Variants in PHKA1 observed in about 807,000 individuals in gnomAD.
PHKA1 encodes the protein phosphorylase kinase regulatory subunit alpha 1, also known as phosphorylase b kinase regulatory subunit alpha, skeletal muscle isoform.
A neutral mutation model predicts 110.2 loss-of-function variants in PHKA1; 60 were observed. The ratio of observed to expected loss-of-function variants is 0.54; its 90% CI spans 0.44 to 0.68. The LOEUF is 0.68. PHKA1 is among the 30% of genes least tolerant of loss of function. The probability of loss-of-function intolerance (pLI) is 0.00; values close to 1 mark genes in which losing one functional copy is unlikely to be tolerated. For synonymous variants in PHKA1, 316 were observed against 333.6 expected (o/e 0.95, Z 0.58); for missense variants, 801 against 942.5 (o/e 0.85, Z 1.97).
chrX:72,704,911 T>A (rs1203468364), intron 3 of PHKA1, among the ~76,000 whole-genome samples: 1 of 111,941 alleles, frequency 8.9e-6, no homozygotes, highest in African/African-American at 3.3e-5. Context: ...TTTTTAAACC[T>A]GTATCATCTT....
At chrX:72,612,221 A>T (rs1556261965) in intron 21 of PHKA1, among the ~76,000 whole-genome samples, 1 of 112,050 alleles carries the variant, frequency 8.9e-6, no homozygotes, top group East Asian at 2.8e-4. Context: ...GAAGCCTGTC[A>T]TAAAGGACCA....
chrX:72,619,065 G>C (rs2052938510), intron 20 of PHKA1, 149 bp downstream of exon 20: 2 of 542,451 alleles, frequency 3.7e-6, no homozygotes, highest in Non-Finnish European at 6.4e-6. Flanking sequence ...CAATGTAAAA[G>C]TGAACTGAAA....
In PHKA1 at chrX:72,633,017, C is replaced by T. The variant is rs149234235; in HGVS notation, c.1714+2138G>A. 3.9e-3 allele frequency among the ~76,000 whole-genome samples: 431 copies of T among 111,668 alleles called. 1 individual carries two copies. The highest frequency in any genetic ancestry group is 0.014 in the African/African-American group (418 of 30,744). ...TAGATCTTTAGTTTTATTCTGCTTC[C>T]CAAGCTGTGGCTATGTATCTCATCC... On this transcript the variant is annotated intron_variant, in intron 16 of 31. Transcript: ENST00000373542.
At chrX:72,680,727 C>T (rs1191833427) in intron 5 of PHKA1, among the ~76,000 whole-genome samples, 196 of 99,480 alleles carry the variant, frequency 2.0e-3, no homozygotes, top group African/African-American at 7.0e-3. Flanking sequence ...GAAGCGGAGC[C>T]GCTGCCGCGA....
intron 9 of PHKA1, among the ~76,000 whole-genome samples, chrX:72,656,524 T>C (rs1425028670): frequency 1.1e-4 from 12 of 112,438 alleles, no homozygotes; most frequent in African/African-American, 2.9e-4. Context: ...TTTGTAATAA[T>C]AGGACATACA....
chrX:72,623,421 T>C (rs2053008409), intron 17 of PHKA1, 146 bp from the exon 18 acceptor site: 1 of 455,391 alleles, frequency 2.2e-6, no homozygotes, highest in African/African-American at 2.4e-5. Flanking sequence ...AAAAATAAAA[T>C]TTTACAGCAC....
At position 72,656,225 on chromosome X, in the gene PHKA1, G is replaced by A. The variant is rs781811348; in HGVS notation, c.936C>T (p.Tyr312=). The change falls in exon 10 of 32, where the codon TAC becomes TAT. Residue 312 remains tyrosine (Y), a synonymous_variant. Coordinates refer to ENST00000373542, the MANE Select transcript of PHKA1 (RefSeq NM_002637.4). ...ATAGCTTCAGCTCAGCTGGTTCATA[G>A]TACAGACGATTGGGATCCTAGTAAA... ...KTPKEDPNRL[Y]YEPAELKLFE... 3 of 1,210,286 alleles carry A rather than the reference G, an allele frequency of 2.5e-6. No individual in the cohort carries two copies. The highest frequency in any genetic ancestry group is 3.4e-6 in the Non-Finnish European group (3 of 894,069).
intron 2 of PHKA1, among the ~76,000 whole-genome samples, chrX:72,710,407 A>G (rs917115906): frequency 1.1e-4 from 12 of 112,140 alleles, no homozygotes; most frequent in Admixed American, 5.7e-4. Flanking sequence ...TCCTGCACAT[A>G]TACTGAGGGA....
Position 72,675,081 on chromosome X carries a change from G to A in PHKA1, c.618+989C>T, listed in dbSNP as rs191113665. ...CAGATGCCTGTAGTCCCAGCTACTC[G>A]GGAGGCTGAAGCAGGAGAATCTCTT... is the stretch of plus-strand genomic sequence containing the variant. On this transcript the variant is annotated intron_variant, in intron 6 of 31. Coordinates refer to ENST00000373542, the MANE Select transcript of PHKA1 (RefSeq NM_002637.4). Among the ~76,000 whole-genome samples, 386 of 108,881 alleles carry A rather than the reference G, an allele frequency of 3.5e-3. 3 individuals are homozygous for A. Among genetic ancestry groups the A allele is most frequent in the African/African-American group, 0.012 (358 of 29,956 alleles). The allele number at this position is 108,881 out of a possible 115,157, so 94.6% of individuals were successfully genotyped here. A position where few individuals can be genotyped will look rare whatever the true frequency, so the allele number is the denominator to read the frequency against.
At chrX:72,622,556 A>G in intron 18 of PHKA1, 1 of 753,116 alleles carries the variant, frequency 1.3e-6, no homozygotes, top group African/African-American at 2.3e-5. Flanking sequence ...CTTTCTCACT[A>G]TATCACCTTT....
chrX:72,693,983 G>A lies in PHKA1; in HGVS notation c.454+1725C>T, dbSNP rs782361637. ...TGTCCTTCAGACAATTTCCAATAATGTAGTGGCTGGTTTTTAAAAAATAAT... is the reference window on the plus strand; with the variant it reads ...TGTCCTTCAGACAATTTCCAATAATATAGTGGCTGGTTTTTAAAAAATAAT... On this transcript the variant is annotated intron_variant, in intron 4 of 31. Coordinates refer to ENST00000373542, the MANE Select transcript of PHKA1 (RefSeq NM_002637.4). Among the ~76,000 whole-genome samples, 11 of 111,939 alleles carry A rather than the reference G, an allele frequency of 9.8e-5. No homozygotes were observed. The South Asian group carries it at 4.1e-3, about 42-fold the overall frequency.
chrX:72,615,522 T>C (rs1310507219), intron 21 of PHKA1, among the ~76,000 whole-genome samples: 3 of 110,834 alleles, frequency 2.7e-5, no homozygotes, highest in Admixed American at 9.6e-5. Context: ...AGATTTTTCT[T>C]CTCTTTTACT....
chrX:72,591,859 C>A (rs2052526525), intron 29 of PHKA1, among the ~76,000 whole-genome samples: 1 of 112,034 alleles, frequency 8.9e-6, no homozygotes, highest in African/African-American at 3.2e-5. Context: ...AAGTGCTTTT[C>A]TTTGAACATA....
chrX:72,663,408 T>C (rs781967191), intron 8 of PHKA1, among the ~76,000 whole-genome samples: 8 of 110,311 alleles, frequency 7.3e-5, no homozygotes, highest in African/African-American at 2.3e-4. Flanking sequence ...AATCACATTA[T>C]GGAAGTTTTA....
chrX:72,581,289 G>C (rs1368556010), intron 31 of PHKA1, 114 bp from the exon 32 acceptor site: 5 of 528,128 alleles, frequency 9.5e-6, no homozygotes, highest in Non-Finnish European at 1.4e-5. Flanking sequence ...CAATTAGTTG[G>C]GCCCTAGACT....
intron 22 of PHKA1, among the ~76,000 whole-genome samples, chrX:72,610,554 C>T (rs1603255131): frequency 8.9e-6 from 1 of 111,952 alleles, no homozygotes; most frequent in South Asian, 3.7e-4. Context: ...CATACCTTTG[C>T]TATTGGGAAT....
At chrX:72,697,697 A>T (rs1159382921) in intron 3 of PHKA1, among the ~76,000 whole-genome samples, 2 of 110,695 alleles carry the variant, frequency 1.8e-5, no homozygotes, top group Admixed American at 9.6e-5. Context: ...TGTTTAAAAA[A>T]ATTTTGGCCG....
At chrX:72,593,637 G>A (rs1219154493) in intron 28 of PHKA1, among the ~76,000 whole-genome samples, 4 of 112,363 alleles carry the variant, frequency 3.6e-5, no homozygotes, top group African/African-American at 6.5e-5. Context: ...CACCACACCC[G>A]GCCCAAGTCT....
At position 72,713,046 on chromosome X, in the gene PHKA1, C is replaced by T. The variant is rs1556335451; in HGVS notation, c.79-109G>A. 1.0e-5 allele frequency: 8 copies of T among 798,946 alleles called. No homozygotes were observed. In the Admixed American group the frequency reaches 1.8e-4, roughly 18 times the overall value. The allele number at this position is 798,946 out of a possible 1,213,427, so 65.8% of individuals were successfully genotyped here. A position where few individuals can be genotyped will look rare whatever the true frequency, so the allele number is the denominator to read the frequency against. ...GGACTTTGGTCTTTCTTCTACTTCTCCACTCTTGAGTTTTATAACCTCCTC... is the reference window on the plus strand; with the variant it reads ...GGACTTTGGTCTTTCTTCTACTTCTTCACTCTTGAGTTTTATAACCTCCTC... On this transcript the variant is annotated intron_variant, in intron 1 of 31. Transcript: ENST00000373542.
Sources: gnomAD v4.1 joint callset for allele counts (sites outside exome capture counted in the v4.1 genomes callset) on GRCh38, gnomAD v4.1.1 for gene constraint, MANE v1.5 for transcripts, NCBI Gene and HGNC (gene_info 2026-07-23, HGNC 2026-07-21) for gene names.